Variants in NRXN1 observed in about 807,000 individuals in gnomAD.
NRXN1 encodes the protein neurexin 1.
A neutral mutation model predicts 150.9 loss-of-function variants in NRXN1; 39 were observed. The observed-to-expected ratio is 0.26, with a 90% CI of 0.20 to 0.34. NRXN1 has a LOEUF of 0.34. Ranked by LOEUF, NRXN1 falls within the 10% of genes least tolerant of loss-of-function variation. The pLI, the probability that NRXN1 is intolerant of heterozygous loss-of-function variation, is 1.00. For synonymous variants in NRXN1, 924 were observed against 757.0 expected, an observed-to-expected ratio of 1.22 and a Z score of -3.62; for missense variants, 1,815 against 1,949.9, an observed-to-expected ratio of 0.93 and a Z score of 1.30.
intron 5 of NRXN1, among the ~76,000 whole-genome samples, chr2:50,685,679 AT>A (rs1691122660): frequency 6.6e-6 from 1 of 152,042 alleles, no homozygotes; most frequent in Admixed American, 6.6e-5. Flanking sequence ...CCTCAAATCC[AT>A]TTTACAATTA....
Position 49,920,363 on chromosome 2 carries a change from ATTATT to A in NRXN1, c.*1576_*1580del, listed in dbSNP as rs890007144. 1 of 152,694 alleles carries A rather than the reference ATTATT, an allele frequency of 6.5e-6. No homozygotes were observed. Among genetic ancestry groups the A allele is most frequent in the Non-Finnish European group, 1.5e-5 (1 of 68,026 alleles). The allele number at this position is 152,694 out of a possible 1,614,324, so 9.5% of individuals were successfully genotyped here. On this transcript the variant is annotated 3_prime_UTR_variant, in exon 23 of 23. Transcript: ENST00000401669. ...GCACATCAGATTCAGAGATATATATATTATTTTATTAGAAAGAAAGTTTTCAATTG... is the reference window on the plus strand; with the variant it reads ...GCACATCAGATTCAGAGATATATATATTATTAGAAAGAAAGTTTTCAATTG...
At chr2:50,002,326 C>T (rs114022778) in intron 21 of NRXN1, among the ~76,000 whole-genome samples, 5,566 of 152,238 alleles carry the variant, frequency 0.037, 145 homozygotes, top group Middle Eastern at 0.078. Context: ...TTTCTCAGTG[C>T]TCTGTCTTAG....
At chr2:50,350,123 C>T (rs148407455) in intron 17 of NRXN1, among the ~76,000 whole-genome samples, 8 of 152,320 alleles carry the variant, frequency 5.3e-5, no homozygotes, top group South Asian at 4.1e-4. Flanking sequence ...CCTCTGATCA[C>T]ATTTTCATCA....
intron 8 of NRXN1, among the ~76,000 whole-genome samples, chr2:50,565,830 T>A (rs1192637939): frequency 6.6e-6 from 1 of 152,158 alleles, no homozygotes; most frequent in African/African-American, 2.4e-5. Context: ...CCGTCAATAC[T>A]CTGCCCTTGG....
At chr2:50,550,000 T>C (rs1268994980) in intron 9 of NRXN1, among the ~76,000 whole-genome samples, 3 of 152,140 alleles carry the variant, frequency 2.0e-5, no homozygotes, top group Non-Finnish European at 4.4e-5. Flanking sequence ...TGGAAAGAAA[T>C]ACCCAAAAAT....
chr2:50,424,424 C>G (rs1558707462), intron 17 of NRXN1, among the ~76,000 whole-genome samples: 1 of 151,476 alleles, frequency 6.6e-6, no homozygotes, highest in Non-Finnish European at 1.5e-5. Flanking sequence ...GTACCTGGAC[C>G]TAGAACCTCT....
At chr2:50,095,635 A>G (rs996829811) in intron 18 of NRXN1, among the ~76,000 whole-genome samples, 6 of 152,168 alleles carry the variant, frequency 3.9e-5, no homozygotes, top group African/African-American at 1.4e-4. Context: ...TTTCTGCAAT[A>G]TGAAATGCAA....
intron 17 of NRXN1, among the ~76,000 whole-genome samples, chr2:50,300,028 T>C (rs926337658): frequency 6.6e-6 from 1 of 152,078 alleles, no homozygotes; most frequent in African/African-American, 2.4e-5. Flanking sequence ...TAATCCTGAA[T>C]ATGAAATAGA....
rs71404957 is a variant in NRXN1 at position 50,495,345 on chromosome 2, C to CGTGTGT, written c.3070+554_3070+559dup. Among the ~76,000 whole-genome samples the CGTGTGT allele has an allele frequency of 1.4e-4, 11 of 76,126 alleles. No homozygotes were observed. The East Asian group carries it at 2.4e-3, about 16-fold the overall frequency. 49.9% of individuals were successfully genotyped at this position (76,126 alleles called of 152,430 possible). A position where few individuals can be genotyped will look rare whatever the true frequency, so the allele number is the denominator to read the frequency against. ...TTAGCAGCTGGTGAAAGAAGCATTCCGTGTGTGTGTGTGTGTGTGTGTGTG... is the reference window on the plus strand; with the variant it reads ...TTAGCAGCTGGTGAAAGAAGCATTCCGTGTGTGTGTGTGTGTGTGTGTGTGTGTGTG... On this transcript the variant is annotated intron_variant, in intron 15 of 22. Coordinates refer to ENST00000401669, the MANE Select transcript of NRXN1 (RefSeq NM_001330078.2).
chr2:50,591,621 A>G (rs528430140), intron 8 of NRXN1, among the ~76,000 whole-genome samples: 8 of 152,112 alleles, frequency 5.3e-5, no homozygotes, highest in Non-Finnish European at 1.0e-4. Flanking sequence ...ATCTTATTCC[A>G]GTTCTCTTCT....
chr2:50,790,714 G>A (rs1225392265), intron 5 of NRXN1, among the ~76,000 whole-genome samples: 2 of 152,042 alleles, frequency 1.3e-5, no homozygotes, highest in African/African-American at 4.8e-5. Context: ...GGTTTTTTTG[G>A]ATTTCAGAAT....
chr2:50,330,430 G>A (rs577604599), intron 17 of NRXN1, among the ~76,000 whole-genome samples: 25 of 152,144 alleles, frequency 1.6e-4, no homozygotes, highest in African/African-American at 6.0e-4. Flanking sequence ...TCTTTCATTA[G>A]TGATGATGGG....
chr2:50,759,083 C>A (rs1372288279), intron 5 of NRXN1, among the ~76,000 whole-genome samples: 2 of 151,808 alleles, frequency 1.3e-5, no homozygotes, highest in Admixed American at 1.3e-4. Context: ...AATATGGGAG[C>A]AACAGTGTGC....
At chr2:50,669,555 A>G (rs1360236403) in intron 5 of NRXN1, among the ~76,000 whole-genome samples, 1 of 152,014 alleles carries the variant, frequency 6.6e-6, no homozygotes, top group Admixed American at 6.6e-5. Flanking sequence ...TAGACAGTAT[A>G]GCTAAGCAAG....
intron 18 of NRXN1, among the ~76,000 whole-genome samples, chr2:50,109,838 T>C (rs1702146337): frequency 6.6e-6 from 1 of 152,196 alleles, no homozygotes; most frequent in Non-Finnish European, 1.5e-5. Context: ...GGGTTTATTT[T>C]TATTTATTGA....
At chr2:50,115,424 T>A (rs1355200239) in intron 18 of NRXN1, among the ~76,000 whole-genome samples, 1 of 151,812 alleles carries the variant, frequency 6.6e-6, no homozygotes, top group Non-Finnish European at 1.5e-5. Context: ...GATTTTGGAA[T>A]GATCGAAACA....
At chr2:50,508,536 A>T (rs1441363042) in intron 12 of NRXN1, among the ~76,000 whole-genome samples, 2 of 152,030 alleles carry the variant, frequency 1.3e-5, no homozygotes, top group African/African-American at 4.8e-5. Context: ...AAAAGAGAAC[A>T]TATCATTTTA....
At chr2:49,943,307 G>C (rs1009440111) in intron 22 of NRXN1, among the ~76,000 whole-genome samples, 2 of 152,108 alleles carry the variant, frequency 1.3e-5, no homozygotes, top group Non-Finnish European at 2.9e-5. Context: ...AGTGAGTGGT[G>C]GGGACTTTTT....
chr2:50,753,253 T>A (rs1401706905), intron 5 of NRXN1, among the ~76,000 whole-genome samples: 1 of 151,914 alleles, frequency 6.6e-6, no homozygotes, highest in African/African-American at 2.4e-5. Context: ...GAAAATAAGA[T>A]AAAATTAAAA....
Sources: gnomAD v4.1 joint callset for allele counts (sites outside exome capture counted in the v4.1 genomes callset) on GRCh38, gnomAD v4.1.1 for gene constraint, MANE v1.5 for transcripts, NCBI Gene and HGNC (gene_info 2026-07-23, HGNC 2026-07-21) for gene names.